ABL1: variants seen among roughly 807,000 people sequenced by gnomAD.
ABL1 encodes tyrosine-protein kinase ABL1.
In ABL1, 11 loss-of-function variants were observed where a neutral mutation model predicts 94.7. That is an observed-to-expected ratio of 0.12 (90% CI 0.07 to 0.19). The LOEUF (loss-of-function observed/expected upper bound fraction) is 0.19, where lower values mean the gene tolerates loss of function less well. Among genes scored for constraint, ABL1 ranks in the 10% least tolerant of loss-of-function variants. The probability of loss-of-function intolerance (pLI) is 1.00; values close to 1 mark genes in which losing one functional copy is unlikely to be tolerated. For synonymous variants in ABL1, 656 were observed against 622.4 expected, an observed-to-expected ratio of 1.05 and a Z score of -0.80; for missense variants, 1,082 against 1,489.4, an observed-to-expected ratio of 0.73 and a Z score of 4.50.
intron 1 of ABL1, among the ~76,000 whole-genome samples, chr9:130,839,562 C>A (rs993122786): frequency 6.6e-6 from 1 of 152,192 alleles, no homozygotes; most frequent in Non-Finnish European, 1.5e-5. Flanking sequence ...ACACCAGTGC[C>A]CTGAGGTTTC....
Position 130,863,147 on chromosome 9 carries a change from T to C in ABL1, c.822+112T>C. Reference sequence around the variant, plus strand: ...TCCTGCCTGCTGTCCGAGGGCTTCATTGGCGCCACGGAATTGACTTTTCCG... The same window carrying C: ...TCCTGCCTGCTGTCCGAGGGCTTCACTGGCGCCACGGAATTGACTTTTCCG... On this transcript the variant is annotated intron_variant, in intron 4 of 10. Transcript: ENST00000318560. This position sits in a 1 kb window ranked among gnomAD's most constrained non-coding sequence, Gnocchi z 4.3. 7.9e-7 allele frequency: 1 copy of C among 1,272,030 alleles called. No homozygotes were observed. Among genetic ancestry groups the C allele is most frequent in the African/African-American group, 1.5e-5 (1 of 66,378 alleles). 78.8% of individuals were successfully genotyped at this position (1,272,030 alleles called of 1,614,324 possible). A position where few individuals can be genotyped will look rare whatever the true frequency, so the allele number is the denominator to read the frequency against.
intron 4 of ABL1, among the ~76,000 whole-genome samples, chr9:130,867,278 C>A (rs1434946282): frequency 1.3e-5 from 2 of 152,208 alleles, no homozygotes; most frequent in African/African-American, 4.8e-5. Context: ...TCTCTGTCTT[C>A]TGTTGTCCAC....
intron 1 of ABL1, among the ~76,000 whole-genome samples, chr9:130,815,270 G>C: frequency 6.6e-6 from 1 of 151,906 alleles, no homozygotes; most frequent in East Asian, 2.0e-4. Context: ...GGAGGCGGAG[G>C]TTGCAGTGAG....
At chr9:130,726,840 C>G (rs766849816) in intron 1 of ABL1, among the ~76,000 whole-genome samples, 7 of 152,152 alleles carry the variant, frequency 4.6e-5, no homozygotes, top group Non-Finnish European at 8.8e-5. Flanking sequence ...GATTCCAAAC[C>G]CTTCTTGTCC....
rs989904446 is a variant in ABL1 at position 130,878,719 on chromosome 9, T to C, written c.1423+152T>C. 1.1e-5 allele frequency: 10 copies of C among 937,730 alleles called. No individual in the cohort carries two copies. In the African/African-American group the frequency reaches 1.3e-4, roughly 12 times the overall value. 58.1% of individuals were successfully genotyped at this position (937,730 alleles called of 1,614,324 possible). A position where few individuals can be genotyped will look rare whatever the true frequency, so the allele number is the denominator to read the frequency against. On this transcript the variant is annotated intron_variant, in intron 8 of 10. Transcript: ENST00000318560. ...AGCTAATGTAGCCATTTGCTACCTATTGACCTTTATTTACAGATAAATAGT... is the reference window on the plus strand; with the variant it reads ...AGCTAATGTAGCCATTTGCTACCTACTGACCTTTATTTACAGATAAATAGT...
At chr9:130,784,556 C>A (rs1172014949) in intron 1 of ABL1, among the ~76,000 whole-genome samples, 1 of 152,144 alleles carries the variant, frequency 6.6e-6, no homozygotes, top group Non-Finnish European at 1.5e-5. Context: ...AGCATCTGGT[C>A]TTGGGGGATT....
Position 130,886,213 on chromosome 9 carries a change from TG to T in ABL1, c.*531del, listed in dbSNP as rs1831580942. ...CAAGAACCGCATTTCGGGAAGGGCA[TG>T]CACGGGCATGCACACGGCTGGTCAC... On this transcript the variant is annotated 3_prime_UTR_variant, in exon 11 of 11. Coordinates refer to ENST00000318560, the MANE Select transcript of ABL1 (RefSeq NM_005157.6). 4.2e-6 allele frequency: 1 copy of T among 239,366 alleles called. No individual in the cohort carries two copies. Among genetic ancestry groups the T allele is most frequent in the Non-Finnish European group, 8.2e-6 (1 of 121,780 alleles). The allele number at this position is 239,366 out of a possible 1,614,324, so 14.8% of individuals were successfully genotyped here. A position where few individuals can be genotyped will look rare whatever the true frequency, so the allele number is the denominator to read the frequency against.
At chr9:130,737,847 T>C (rs929884678) in intron 1 of ABL1, among the ~76,000 whole-genome samples, 3 of 151,332 alleles carry the variant, frequency 2.0e-5, no homozygotes, top group African/African-American at 7.3e-5. Context: ...TTTTTTTTTT[T>C]TGAGACAGAG....
chr9:130,842,448 AGCTAATAGCGTTGTTCATT>A (rs1239136726), intron 1 of ABL1, among the ~76,000 whole-genome samples: 1 of 152,236 alleles, frequency 6.6e-6, no homozygotes, highest in Non-Finnish European at 1.5e-5. Context: ...CCTCAAATTT[AGCTAATAGCGTTGTTCATT>A]GAATACCTTA....
At chr9:130,720,696 A>G (rs1346073983) in intron 1 of ABL1, among the ~76,000 whole-genome samples, 1 of 152,172 alleles carries the variant, frequency 6.6e-6, no homozygotes, top group African/African-American at 2.4e-5. Context: ...TCTGGCTGCT[A>G]TGATCTGAAG....
intron 1 of ABL1, among the ~76,000 whole-genome samples, chr9:130,755,293 G>C (rs1832028436): frequency 6.6e-6 from 1 of 152,176 alleles, no homozygotes; most frequent in Admixed American, 6.5e-5. Flanking sequence ...TGTGGGATTG[G>C]TCAGAGGGGA....
chr9:130,835,675 T>A lies in ABL1; in HGVS notation c.79+150T>A, dbSNP rs2132914108. ...CTTTCTTCCCTCTTCTCTTCTCTTCTCTTCAGTTCTCTTATATTCTGTCTC... is the reference window on the plus strand; with the variant it reads ...CTTTCTTCCCTCTTCTCTTCTCTTCACTTCAGTTCTCTTATATTCTGTCTC... On this transcript the variant is annotated intron_variant, in intron 1 of 10. Coordinates refer to ENST00000318560, the MANE Select transcript of ABL1 (RefSeq NM_005157.6). The surrounding 1 kb of genome is among the most constrained non-coding windows in gnomAD (Gnocchi z 4.6). 1 of 352,018 alleles carries A rather than the reference T, an allele frequency of 2.8e-6. No homozygotes were observed. The highest frequency in any genetic ancestry group is 5.1e-6 in the Non-Finnish European group (1 of 196,786). 21.8% of individuals were successfully genotyped at this position (352,018 alleles called of 1,614,324 possible). A position where few individuals can be genotyped will look rare whatever the true frequency, so the allele number is the denominator to read the frequency against.
intron 1 of ABL1, among the ~76,000 whole-genome samples, chr9:130,774,425 A>G (rs1832288455): frequency 6.6e-6 from 1 of 152,138 alleles, no homozygotes; most frequent in Non-Finnish European, 1.5e-5. Context: ...CTATGAGTAG[A>G]CAGGGACTTG....
intron 4 of ABL1, among the ~76,000 whole-genome samples, chr9:130,866,863 G>C (rs1831165749): frequency 6.6e-6 from 1 of 152,164 alleles, no homozygotes; most frequent in African/African-American, 2.4e-5. Flanking sequence ...TGAGGTGGGG[G>C]AACGGGGTCT....
chr9:130,862,963 G>A lies in ABL1; in HGVS notation c.750G>A (p.Gly250=), dbSNP rs781647687. The change falls in exon 4 of 11, where the codon GGG becomes GGA. Residue 250 remains glycine, a synonymous_variant. Coordinates refer to ENST00000318560, the MANE Select transcript of ABL1 (RefSeq NM_005157.6). The surrounding 1 kb of genome is among the most constrained non-coding windows in gnomAD (Gnocchi z 5.5). Reference sequence around the variant, plus strand: ...TCACCATGAAGCACAAGCTGGGCGGGGGCCAGTACGGGGAGGTGTACGAGG... The same window carrying A: ...TCACCATGAAGCACAAGCTGGGCGGAGGCCAGTACGGGGAGGTGTACGAGG... ...TDITMKHKLG[G]GQYGEVYEGV... The A allele has an allele frequency of 7.4e-6, 12 of 1,614,052 alleles. No individual in the cohort carries two copies. The highest frequency in any genetic ancestry group is 8.5e-6 in the Non-Finnish European group (10 of 1,180,034).
At chr9:130,831,396 T>C (rs926062783), upstream of ABL1, among the ~76,000 whole-genome samples, 10 of 152,110 alleles carry the variant, frequency 6.6e-5, no homozygotes, top group African/African-American at 2.4e-4. Context: ...TTTTTCTTAA[T>C]AGGACTAAAT....
At chr9:130,760,247 A>G (rs1832093693) in intron 1 of ABL1, among the ~76,000 whole-genome samples, 1 of 152,152 alleles carries the variant, frequency 6.6e-6, no homozygotes, top group East Asian at 1.9e-4. Context: ...TGCTGTACCA[A>G]GGGTAAACAG....
chr9:130,856,894 G>A (rs1830983980), intron 3 of ABL1, among the ~76,000 whole-genome samples: 1 of 152,138 alleles, frequency 6.6e-6, no homozygotes. Context: ...CTTTTAGGTT[G>A]TTTCCAATCT....
chr9:130,730,998 CTTTT>C (rs11300328), intron 1 of ABL1, among the ~76,000 whole-genome samples: 9 of 64,492 alleles, frequency 1.4e-4, no homozygotes, highest in African/African-American at 2.9e-4. Context: ...CTCTATCTCT[CTTTT>C]TTTTTTTTTT....
Sources: gnomAD v4.1 joint callset for allele counts (sites outside exome capture counted in the v4.1 genomes callset) on GRCh38, gnomAD v4.1.1 for gene constraint, Gnocchi (gnomAD v3.1) non-coding constraint, MANE v1.5 for transcripts, NCBI Gene and HGNC (gene_info 2026-07-23, HGNC 2026-07-21) for gene names.